The following RABGAP1L variants were observed in gnomAD, a reference collection of about 807,000 sequenced individuals.
RABGAP1L encodes the protein RAB GTPase activating protein 1 like.
Under a neutral mutation model 137.7 loss-of-function variants are expected in RABGAP1L, and 63 were observed. That is an observed-to-expected ratio of 0.46 (90% CI 0.37 to 0.56). The LOEUF (loss-of-function observed/expected upper bound fraction) is 0.56, where lower values mean the gene tolerates loss of function less well. Among genes scored for constraint, RABGAP1L ranks in the 20% least tolerant of loss-of-function variants. The probability of loss-of-function intolerance (pLI) is 0.00; values close to 1 mark genes in which losing one functional copy is unlikely to be tolerated. For synonymous variants in RABGAP1L, 431 were observed against 433.7 expected (o/e 0.99, Z 0.08); for missense variants, 1,095 against 1,244.0 (o/e 0.88, Z 1.80).
At chr1:174,277,956 A>T (rs554833416) in intron 9 of RABGAP1L, among the ~76,000 whole-genome samples, 2 of 152,036 alleles carry the variant, frequency 1.3e-5, no homozygotes, top group East Asian at 3.9e-4. Context: ...ATTTAAAAAC[A>T]CTATTGAGGG....
rs578165097 is a variant in RABGAP1L, at chr1:174,964,820, T to C, written c.2434-4457T>C. 1.6e-5 allele frequency: 23 copies of C among 1,399,478 alleles called. No individual in the cohort carries two copies. The East Asian group carries it at 2.1e-4, about 13-fold the overall frequency. 86.7% of individuals were successfully genotyped at this position (1,399,478 alleles called of 1,614,324 possible). ...CGGTCACAGAGAGAACTTAGAGTTA[T>C]ATGACACTCAAAGGAAAAGCAAAAG... On this transcript the variant is annotated intron_variant, in intron 20 of 25. Transcript: ENST00000681986.
intron 19 of RABGAP1L, among the ~76,000 whole-genome samples, chr1:174,837,090 C>A (rs1319670437): frequency 1.3e-5 from 2 of 152,034 alleles, no homozygotes; most frequent in Non-Finnish European, 2.9e-5. Flanking sequence ...GCCTGTAATT[C>A]CAGTTACTTG....
intron 13 of RABGAP1L, among the ~76,000 whole-genome samples, chr1:174,612,913 C>G (rs1464245389): frequency 6.6e-6 from 1 of 151,626 alleles, no homozygotes; most frequent in Non-Finnish European, 1.5e-5. Context: ...TCCCCTTTAT[C>G]ATTTTTTATT....
intron 11 of RABGAP1L, among the ~76,000 whole-genome samples, chr1:174,361,987 A>G (rs2148966356): frequency 6.6e-6 from 1 of 152,256 alleles, no homozygotes. Flanking sequence ...CTGTGTGCCC[A>G]TGTGTTCTCA....
chr1:174,188,598 A>G (rs1395644909), intron 1 of RABGAP1L, among the ~76,000 whole-genome samples: 1 of 152,194 alleles, frequency 6.6e-6, no homozygotes, highest in Non-Finnish European at 1.5e-5. Context: ...AGACATATCT[A>G]ATTATTAGGG....
chr1:174,490,307 G>A (rs750232009), intron 13 of RABGAP1L, among the ~76,000 whole-genome samples: 18 of 152,274 alleles, frequency 1.2e-4, no homozygotes, highest in Non-Finnish European at 1.9e-4. Flanking sequence ...CCCCAAGCCC[G>A]GTAACACTGT....
intron 13 of RABGAP1L, among the ~76,000 whole-genome samples, chr1:174,457,870 T>C (rs868279302): frequency 2.0e-5 from 3 of 152,202 alleles, no homozygotes; most frequent in Admixed American, 6.5e-5. Context: ...TACAAGTGAA[T>C]GTCACTATAT....
intron 13 of RABGAP1L, among the ~76,000 whole-genome samples, chr1:174,440,431 G>A (rs1189435289): frequency 6.6e-6 from 1 of 152,210 alleles, no homozygotes; most frequent in East Asian, 1.9e-4. Context: ...TGGTTTGCTA[G>A]GGTAATGATA....
intron 19 of RABGAP1L, among the ~76,000 whole-genome samples, chr1:174,957,012 C>A (rs1465434858): frequency 6.6e-6 from 1 of 152,016 alleles, no homozygotes; most frequent in Non-Finnish European, 1.5e-5. Flanking sequence ...TCATTTTCAA[C>A]ATAATAGAAG....
chr1:174,757,140 A>G (rs1684830419), intron 18 of RABGAP1L: 5 of 423,036 alleles, frequency 1.2e-5, no homozygotes, highest in South Asian at 5.6e-5. Flanking sequence ...TTTAATTGTC[A>G]GCTTCAGTTC....
At chr1:174,952,521 A>T (rs757714956) in intron 19 of RABGAP1L, among the ~76,000 whole-genome samples, 18 of 151,968 alleles carry the variant, frequency 1.2e-4, no homozygotes, top group Non-Finnish European at 2.5e-4. Context: ...TTAAAAAAAA[A>T]AATGATGATT....
intron 13 of RABGAP1L, among the ~76,000 whole-genome samples, chr1:174,537,606 A>C (rs1389167044): frequency 1.3e-5 from 2 of 152,132 alleles, no homozygotes; most frequent in Non-Finnish European, 2.9e-5. Flanking sequence ...TCCTGAAAGA[A>C]AGTTTAGCCA....
intron 13 of RABGAP1L, among the ~76,000 whole-genome samples, chr1:174,589,078 G>C (rs576388282): frequency 6.6e-6 from 1 of 152,252 alleles, no homozygotes; most frequent in South Asian, 2.1e-4. Flanking sequence ...CAGTGTACAA[G>C]AGTTCCCTTT....
At chr1:174,306,075 C>T in intron 11 of RABGAP1L, among the ~76,000 whole-genome samples, 1 of 152,156 alleles carries the variant, frequency 6.6e-6, no homozygotes, top group Non-Finnish European at 1.5e-5. Flanking sequence ...TCATCCATGT[C>T]CCTACAAAGG....
intron 13 of RABGAP1L, among the ~76,000 whole-genome samples, chr1:174,518,562 T>C (rs1036864301): frequency 6.6e-6 from 1 of 152,170 alleles, no homozygotes; most frequent in East Asian, 1.9e-4. Context: ...GCAGAACCTA[T>C]GGATTGGAGG....
intron 13 of RABGAP1L, among the ~76,000 whole-genome samples, chr1:174,610,348 T>A (rs1671118436): frequency 6.6e-6 from 1 of 151,656 alleles, no homozygotes. Flanking sequence ...GAATGATGAT[T>A]TCCAATTTCA....
intron 13 of RABGAP1L, among the ~76,000 whole-genome samples, chr1:174,405,809 C>T (rs1457897365): frequency 6.6e-6 from 1 of 151,860 alleles, no homozygotes; most frequent in Non-Finnish European, 1.5e-5. Context: ...GAAACCCTGT[C>T]TCTACAAAAA....
At chr1:174,889,598 T>G (rs1297798056) in intron 19 of RABGAP1L, among the ~76,000 whole-genome samples, 1 of 152,056 alleles carries the variant, frequency 6.6e-6, no homozygotes, top group Non-Finnish European at 1.5e-5. Context: ...TTTTTTTGTT[T>G]GTTTTTTTTT....
chr1:174,634,776 T>C (rs7543559), intron 13 of RABGAP1L, among the ~76,000 whole-genome samples: 17,545 of 141,164 alleles, frequency 0.12, 3,327 homozygotes, highest in African/African-American at 0.44. Context: ...AGTAAACTAT[T>C]GCAAGAACAA....
Sources: allele counts gnomAD v4.1 joint callset (sites outside exome capture counted in the v4.1 genomes callset), GRCh38; gene constraint gnomAD v4.1.1; transcripts MANE v1.5; gene names NCBI Gene and HGNC (gene_info 2026-07-23, HGNC 2026-07-21).